Variants in LIMS2 observed in about 807,000 individuals in gnomAD.
LIMS2 encodes LIM zinc finger domain containing 2, also known as LIM and senescent cell antigen-like-containing domain protein 2.
A neutral mutation model predicts 45.3 loss-of-function variants in LIMS2; 30 were observed. The ratio of observed to expected loss-of-function variants is 0.66; its 90% CI spans 0.50 to 0.90. The LOEUF (loss-of-function observed/expected upper bound fraction) is 0.90. LIMS2 is among the 40% of genes least tolerant of loss of function. The pLI is 0.00. For synonymous variants in LIMS2, 173 were observed against 188.0 expected (o/e 0.92, Z 0.65); for missense variants, 485 against 468.7 (o/e 1.03, Z -0.32).
intron 2 of LIMS2, chr2:127,655,361 C>T (rs1684186170): frequency 5.2e-6 from 1 of 194,022 alleles, no homozygotes; most frequent in Admixed American, 5.4e-5. Flanking sequence ...GGCCTGGGCA[C>T]GGGGAAGTGG....
chr2:127,643,692 G>C (rs751011123), intron 4 of LIMS2: 8 of 430,608 alleles, frequency 1.9e-5, no homozygotes, highest in Non-Finnish European at 3.3e-5. Context: ...TCTCAACGGA[G>C]AGACAAATCA....
Position 127,638,467 on chromosome 2 carries a change from AAC to A in LIMS2, c.*812_*813del, listed in dbSNP as rs1024343348. 4.4e-4 allele frequency: 58 copies of A among 132,876 alleles called. No homozygotes were observed. The highest frequency in any genetic ancestry group is 1.5e-3 in the African/African-American group (56 of 36,166). The allele number at this position is 132,876 out of a possible 1,614,324, so 8.2% of individuals were successfully genotyped here. A position where few individuals can be genotyped will look rare whatever the true frequency, so the allele number is the denominator to read the frequency against. On this transcript the variant is annotated 3_prime_UTR_variant, in exon 10 of 10. Coordinates refer to ENST00000355119, the MANE Select transcript of LIMS2 (RefSeq NM_001161403.3). Reference sequence around the variant, plus strand: ...TCATTGTGCAAGCGTGAGCCCAACAAACAAACACCAGGTCTGCGCTGGCCGAA... The same window carrying A: ...TCATTGTGCAAGCGTGAGCCCAACAAAAACACCAGGTCTGCGCTGGCCGAA...
chr2:127,640,874 GA>G (rs1682336696), intron 7 of LIMS2, 21 bp downstream of exon 7: 3 of 1,608,172 alleles, frequency 1.9e-6, no homozygotes, highest in East Asian at 2.2e-5. Context: ...CCGCATCCCT[GA>G]AGGTTCTGCA....
chr2:127,639,541 C>T, intron 9 of LIMS2, 113 bp from the exon 10 acceptor site: 1 of 1,353,992 alleles, frequency 7.4e-7, no homozygotes. Flanking sequence ...CCAGCCTCTC[C>T]TAGCCAGCAG....
At chr2:127,648,050 GC>G in intron 4 of LIMS2, 1 of 985,762 alleles carries the variant, frequency 1.0e-6, no homozygotes, top group Non-Finnish European at 1.2e-6. Flanking sequence ...GCCTTCTTCG[GC>G]CCTCAGCTCT....
upstream of LIMS2, among the ~76,000 whole-genome samples, chr2:127,678,813 C>T (rs1685555441): frequency 1.3e-5 from 2 of 152,052 alleles, no homozygotes; most frequent in African/African-American, 4.8e-5. The surrounding 1 kb of genome is among the most constrained non-coding windows in gnomAD (Gnocchi z 5.3). Flanking sequence ...GCATTGGGCC[C>T]TCCCCAGGCA....
intron 1 of LIMS2, among the ~76,000 whole-genome samples, chr2:127,660,650 C>A (rs1207347009): frequency 6.6e-6 from 1 of 152,072 alleles, no homozygotes; most frequent in Non-Finnish European, 1.5e-5. Context: ...TCCAGACATA[C>A]AGTCTTGAAG....
Position 127,651,758 on chromosome 2 carries a change from G to A in LIMS2, c.359+2666C>T, listed in dbSNP as rs183852456. The A allele has an allele frequency of 1.7e-3, 2,781 of 1,609,810 alleles. 2 individuals carry two copies. Among genetic ancestry groups the A allele is most frequent in the Non-Finnish European group, 2.2e-3 (2,536 of 1,177,716 alleles). ...TGAGTGCCAAGTCAGAGCTGTGAGC[G>A]GGGGGCGCCGTCCAGGCCGAGCGCA... On this transcript the variant is annotated intron_variant, in intron 4 of 9. Transcript: ENST00000355119.
intron 4 of LIMS2, among the ~76,000 whole-genome samples, chr2:127,648,871 A>C (rs1217138874): frequency 6.7e-5 from 10 of 149,442 alleles, no homozygotes; most frequent in Non-Finnish European, 1.2e-4. Context: ...CAGTGAGCTG[A>C]TTGCACCACT....
At chr2:127,670,918 A>G (rs1685243878) in intron 1 of LIMS2, among the ~76,000 whole-genome samples, 1 of 152,244 alleles carries the variant, frequency 6.6e-6, no homozygotes, top group Non-Finnish European at 1.5e-5. Context: ...AGGACACAGT[A>G]GGTTTTATGT....
Position 127,638,490 on chromosome 2 carries a change from C to CCGAAGA in LIMS2, c.*785_*790dup, listed in dbSNP as rs990031882. 2 of 152,708 alleles carry CCGAAGA rather than the reference C, an allele frequency of 1.3e-5. No homozygotes were observed. The highest frequency in any genetic ancestry group is 4.8e-5 in the African/African-American group (2 of 41,460). 9.5% of individuals were successfully genotyped at this position (152,708 alleles called of 1,614,324 possible). ...CAAACAAACACCAGGTCTGCGCTGGCCGAAGACGAAGCGTCCTCCCTGGAG... is the reference window on the plus strand; with the variant it reads ...CAAACAAACACCAGGTCTGCGCTGGCCGAAGACGAAGACGAAGCGTCCTCCCTGGAG... On this transcript the variant is annotated 3_prime_UTR_variant, in exon 10 of 10. Transcript: ENST00000355119.
At position 127,671,530 on chromosome 2, in the gene LIMS2, C is replaced by A. The variant is rs1015082977; in HGVS notation, c.11+3484G>T. On this transcript the variant is annotated intron_variant, in intron 1 of 9. Transcript: ENST00000355119. The surrounding 1 kb of genome is among the most constrained non-coding windows in gnomAD (Gnocchi z 4.1). The stretch of plus-strand genomic sequence containing the variant: ...GATAGAAAGCCCGGGCTCCTCTCCC[C>A]AGTGGCTCCCTGGGCTGTCCCTTGC... Among the ~76,000 whole-genome samples, 2 of 152,220 alleles carry A rather than the reference C, an allele frequency of 1.3e-5. No homozygotes were observed. Among genetic ancestry groups the A allele is most frequent in the African/African-American group, 4.8e-5 (2 of 41,448 alleles).
intron 4 of LIMS2, chr2:127,643,553 G>A (rs1422052219): frequency 4.4e-6 from 2 of 456,554 alleles, no homozygotes; most frequent in Non-Finnish European, 8.8e-6. Flanking sequence ...GGCGATTTCT[G>A]TCTCCAAAGA....
intron 1 of LIMS2, chr2:127,674,072 C>T (rs369965066): frequency 6.1e-6 from 2 of 326,390 alleles, no homozygotes; most frequent in South Asian, 3.2e-5. Context: ...GCCTTAATGG[C>T]GATCACAGAG....
At position 127,639,105 on chromosome 2, in the gene LIMS2, AGAG is replaced by A. The variant is rs1163775704; in HGVS notation, c.*173_*175del. 1.5e-6 allele frequency: 1 copy of A among 679,560 alleles called. No homozygotes were observed. Among genetic ancestry groups the A allele is most frequent in the African/African-American group, 1.8e-5 (1 of 54,968 alleles). 42.1% of individuals were successfully genotyped at this position (679,560 alleles called of 1,614,324 possible). ...TCACAGACAGAAGCCACGGCCAAGG[AGAG>A]GAGAGACATGGGGAAGGCAGAGATG... On this transcript the variant is annotated 3_prime_UTR_variant, in exon 10 of 10. Coordinates refer to ENST00000355119, the MANE Select transcript of LIMS2 (RefSeq NM_001161403.3).
chr2:127,642,757 C>A lies in LIMS2; in HGVS notation c.509+166G>T. The A allele has an allele frequency of 1.3e-6, 1 of 741,696 alleles. No individual in the cohort carries two copies. The highest frequency in any genetic ancestry group is 2.1e-6 in the Non-Finnish European group (1 of 467,184). The allele number at this position is 741,696 out of a possible 1,614,324, so 45.9% of individuals were successfully genotyped here. ...TCCTGCCATGGCTGCTTCCCAGCCC[C>A]CAGCCCACCTCTGCCCTGCAGCCTT... On this transcript the variant is annotated intron_variant, in intron 5 of 9. Coordinates refer to ENST00000355119, the MANE Select transcript of LIMS2 (RefSeq NM_001161403.3). This position sits in a 1 kb window ranked among gnomAD's most constrained non-coding sequence, Gnocchi z 5.3.
intron 6 of LIMS2, 71 bp downstream of exon 6, chr2:127,641,978 A>C (rs997792639): frequency 6.5e-7 from 1 of 1,530,584 alleles, no homozygotes; most frequent in African/African-American, 1.4e-5. Flanking sequence ...GAGGAGCTTT[A>C]GGGCTCTTAC....
intron 6 of LIMS2, 75 bp downstream of exon 6, chr2:127,641,974 C>A: frequency 2.0e-6 from 3 of 1,520,144 alleles, no homozygotes; most frequent in South Asian, 1.2e-5. Context: ...TGTGGAGGAG[C>A]TTTAGGGCTC....
intron 2 of LIMS2, chr2:127,655,245 G>A: frequency 2.5e-6 from 1 of 396,674 alleles, no homozygotes; most frequent in South Asian, 2.4e-5. Flanking sequence ...CTGAAGTGTA[G>A]TGTCACTTGG....
Sources: allele counts gnomAD v4.1 joint callset (sites outside exome capture counted in the v4.1 genomes callset), GRCh38; gene constraint gnomAD v4.1.1; non-coding constraint Gnocchi (gnomAD v3.1); transcripts MANE v1.5; gene names NCBI Gene and HGNC (gene_info 2026-07-23, HGNC 2026-07-21).